The following PTPRT variants were observed in gnomAD, a reference collection of about 807,000 sequenced individuals.
The protein encoded by PTPRT is receptor-type tyrosine-protein phosphatase T.
In PTPRT, 56 loss-of-function variants were observed where a neutral mutation model predicts 176.8. That is an observed-to-expected ratio of 0.32 (90% CI 0.26 to 0.40). PTPRT has a LOEUF of 0.40. Among genes scored for constraint, PTPRT ranks in the 10% least tolerant of loss-of-function variants. The pLI is 1.00. For synonymous variants in PTPRT, 783 were observed against 739.0 expected (o/e 1.06, Z -0.96); for missense variants, 1,540 against 1,908.2 (o/e 0.81, Z 3.60).
intron 12 of PTPRT, among the ~76,000 whole-genome samples, chr20:42,290,206 C>T (rs1047452474): frequency 6.6e-6 from 1 of 152,070 alleles, no homozygotes; most frequent in Non-Finnish European, 1.5e-5. Flanking sequence ...TCTATTTGAT[C>T]TCTACTATAC....
chr20:42,072,974 G>GA lies in PTPRT; in HGVS notation c.*7904dup, dbSNP rs3838030. On this transcript the variant is annotated 3_prime_UTR_variant, in exon 31 of 31. Transcript: ENST00000373187. ...TGCTTTTCTGAGCTAGAATTGAAAA[G>GA]AAAAAAAAAACATTGACAGCACAGT... The GA allele has an allele frequency of 7.2e-3, 1,489 of 207,130 alleles. No individual in the cohort carries two copies. Among genetic ancestry groups the GA allele is most frequent in the Middle Eastern group, 0.018 (11 of 614 alleles). 12.8% of individuals were successfully genotyped at this position (207,130 alleles called of 1,614,324 possible). A position where few individuals can be genotyped will look rare whatever the true frequency, so the allele number is the denominator to read the frequency against.
intron 1 of PTPRT, among the ~76,000 whole-genome samples, chr20:43,058,177 T>A (rs1050135385): frequency 6.6e-6 from 1 of 151,788 alleles, no homozygotes; most frequent in African/African-American, 2.4e-5. Flanking sequence ...TCAACTTAGA[T>A]CCCTGGTAGT....
In PTPRT at chr20:42,094,013, C is replaced by T. The variant is rs563877902; in HGVS notation, c.3846+4408G>A. On this transcript the variant is annotated intron_variant, in intron 27 of 30. Coordinates refer to ENST00000373187, the MANE Select transcript of PTPRT (RefSeq NM_007050.6). The stretch of plus-strand genomic sequence containing the variant: ...TGCATTTAGAGAATCAGTTCTCAAA[C>T]TCTGTACCAACATCTGGGCCTGAAA... 2.6e-5 allele frequency among the ~76,000 whole-genome samples: 4 copies of T among 152,362 alleles called. No homozygotes were observed. The South Asian group carries it at 8.3e-4, about 32-fold the overall frequency.
At chr20:42,109,676 G>GTT (rs917647291) in intron 23 of PTPRT, among the ~76,000 whole-genome samples, 8 of 152,312 alleles carry the variant, frequency 5.3e-5, no homozygotes, top group African/African-American at 1.9e-4. Context: ...CCCACTCTGT[G>GTT]TTTACCTCCT....
At chr20:42,975,675 G>A (rs190280245) in intron 1 of PTPRT, among the ~76,000 whole-genome samples, 6 of 152,190 alleles carry the variant, frequency 3.9e-5, no homozygotes, top group Admixed American at 1.3e-4. Context: ...ATTTCCAAGC[G>A]GGGGCAGCTA....
intron 1 of PTPRT, among the ~76,000 whole-genome samples, chr20:43,140,577 T>G (rs1301036510): frequency 6.6e-6 from 1 of 151,938 alleles, no homozygotes; most frequent in Non-Finnish European, 1.5e-5. Flanking sequence ...ATTAATACAA[T>G]GGGCTGAGAT....
intron 10 of PTPRT, 62 bp downstream of exon 10, chr20:42,352,020 CAA>C: frequency 6.6e-7 from 1 of 1,524,854 alleles, no homozygotes. Context: ...ATTTCCACTT[CAA>C]GGAAAATCAG....
At position 43,137,095 on chromosome 20, in the gene PTPRT, C is replaced by A. The variant is rs115057529; in HGVS notation, c.88+52551G>T. 1.9e-3 allele frequency among the ~76,000 whole-genome samples: 289 copies of A among 152,310 alleles called. 2 individuals carry two copies. Among genetic ancestry groups the A allele is most frequent in the African/African-American group, 6.6e-3 (275 of 41,570 alleles). ...TCTACCTGTGACTACTCAGGTCCCC[C>A]AGAATGTCACTCCAAATCCTTCCTA... On this transcript the variant is annotated intron_variant, in intron 1 of 30. Transcript: ENST00000373187.
intron 7 of PTPRT, among the ~76,000 whole-genome samples, chr20:42,587,563 C>G (rs6102916): frequency 0.11 from 16,547 of 152,276 alleles, 3,024 homozygotes; most frequent in African/African-American, 0.38. Flanking sequence ...GGACTGCAAC[C>G]CGACCCTCAG....
intron 23 of PTPRT, among the ~76,000 whole-genome samples, chr20:42,109,828 G>A (rs1362748228): frequency 2.0e-5 from 3 of 152,022 alleles, no homozygotes; most frequent in Non-Finnish European, 4.4e-5. Context: ...CCTCCCTGGT[G>A]ACTGACTTCT....
At chr20:42,454,218 T>G (rs1478410565) in intron 8 of PTPRT, among the ~76,000 whole-genome samples, 2 of 152,188 alleles carry the variant, frequency 1.3e-5, no homozygotes, top group Non-Finnish European at 2.9e-5. Context: ...TATAAATATA[T>G]TCCTATTTAT....
At chr20:42,622,106 T>C (rs183172758) in intron 7 of PTPRT, among the ~76,000 whole-genome samples, 11 of 152,346 alleles carry the variant, frequency 7.2e-5, no homozygotes, top group Middle Eastern at 3.4e-3. Flanking sequence ...AATTTGAATA[T>C]GCCTCTACCT....
At chr20:42,051,686 A>G in the PTPRT span, among the ~76,000 whole-genome samples, 7 of 152,204 alleles carry the variant, frequency 4.6e-5, no homozygotes, top group Non-Finnish European at 5.9e-5. Context: ...AAGTTCCTCT[A>G]AATACTGAGA....
At chr20:42,422,866 A>G (rs1321411441) in intron 9 of PTPRT, among the ~76,000 whole-genome samples, 10 of 152,226 alleles carry the variant, frequency 6.6e-5, no homozygotes, top group Non-Finnish European at 1.5e-5. Flanking sequence ...ATGCAGCCAT[A>G]AAAAGGAATG....
intron 6 of PTPRT, among the ~76,000 whole-genome samples, chr20:42,749,595 G>A (rs2076741314): frequency 6.6e-6 from 1 of 152,154 alleles, no homozygotes; most frequent in Non-Finnish European, 1.5e-5. Context: ...TGCTCTCACT[G>A]GTAAAAGGTG....
chr20:42,163,058 G>C (rs546783847), intron 16 of PTPRT, among the ~76,000 whole-genome samples: 88 of 152,316 alleles, frequency 5.8e-4, no homozygotes, highest in Non-Finnish European at 1.1e-3. Flanking sequence ...TCACCCTAAT[G>C]CTTTCACTTA....
At chr20:43,120,386 C>T (rs2013215905) in intron 1 of PTPRT, among the ~76,000 whole-genome samples, 1 of 152,088 alleles carries the variant, frequency 6.6e-6, no homozygotes, top group Admixed American at 6.5e-5. Flanking sequence ...ATTCTCCTGC[C>T]TCAGTCTCCC....
intron 6 of PTPRT, among the ~76,000 whole-genome samples, chr20:42,747,754 A>T (rs1275668518): frequency 6.6e-6 from 1 of 152,206 alleles, no homozygotes. Context: ...AAAGAGAATA[A>T]GAGGGCAAAT....
chr20:42,430,149 G>A (rs1413388684), intron 9 of PTPRT, among the ~76,000 whole-genome samples: 1 of 152,186 alleles, frequency 6.6e-6, no homozygotes, highest in African/African-American at 2.4e-5. Flanking sequence ...CCATGAGCAA[G>A]GTCCCCACGG....
Sources: gnomAD v4.1 joint callset for allele counts (sites outside exome capture counted in the v4.1 genomes callset) on GRCh38, gnomAD v4.1.1 for gene constraint, MANE v1.5 for transcripts, NCBI Gene and HGNC (gene_info 2026-07-23, HGNC 2026-07-21) for gene names.